PLXNA2: variants seen among roughly 807,000 people sequenced by gnomAD.
PLXNA2 encodes the protein plexin-A2.
PLXNA2 carries 91 observed loss-of-function variants against 193.5 expected under a neutral mutation model. That is an observed-to-expected ratio of 0.47 (90% CI 0.40 to 0.56). PLXNA2 has a LOEUF of 0.56. PLXNA2 is among the 20% of genes least tolerant of loss of function. The probability of loss-of-function intolerance (pLI) is 0.00; values close to 1 mark genes in which losing one functional copy is unlikely to be tolerated. For missense variants in PLXNA2, 1,995 were observed against 2,503.2 expected, an observed-to-expected ratio of 0.80 and a Z score of 4.33; for synonymous variants, 997 against 1,027.3, an observed-to-expected ratio of 0.97 and a Z score of 0.56.
At chr1:208,243,146 G>C (rs1244512985) in intron 1 of PLXNA2, among the ~76,000 whole-genome samples, 1 of 152,126 alleles carries the variant, frequency 6.6e-6, no homozygotes, top group Admixed American at 6.5e-5. Flanking sequence ...TCCAGTCCCC[G>C]ATCGGAAGGG....
At chr1:208,152,091 G>C (rs1668784025) in intron 3 of PLXNA2, among the ~76,000 whole-genome samples, 1 of 152,212 alleles carries the variant, frequency 6.6e-6, no homozygotes, top group African/African-American at 2.4e-5. Flanking sequence ...TCTATGGCCT[G>C]AGATTGCCCT....
intron 1 of PLXNA2, among the ~76,000 whole-genome samples, chr1:208,241,919 T>C (rs959254246): frequency 6.6e-6 from 1 of 152,086 alleles, no homozygotes; most frequent in Non-Finnish European, 1.5e-5. Flanking sequence ...CACTGTTTCC[T>C]TGGTTCCCTA....
chr1:208,233,736 T>C (rs891718789), intron 1 of PLXNA2, among the ~76,000 whole-genome samples: 4 of 152,220 alleles, frequency 2.6e-5, no homozygotes, highest in Non-Finnish European at 5.9e-5. Flanking sequence ...TCTCAGCCTC[T>C]TCAAGCTGTG....
intron 4 of PLXNA2, among the ~76,000 whole-genome samples, chr1:208,120,832 G>A (rs1667785190): frequency 6.6e-6 from 1 of 152,158 alleles, no homozygotes; most frequent in Non-Finnish European, 1.5e-5. Context: ...AGGTCAGAGG[G>A]TGCAGAGAGA....
At chr1:208,131,321 T>C (rs1668144477) in intron 4 of PLXNA2, among the ~76,000 whole-genome samples, 1 of 152,180 alleles carries the variant, frequency 6.6e-6, no homozygotes, top group African/African-American at 2.4e-5. Context: ...GGCAGTAACT[T>C]TTCATGACGG....
intron 1 of PLXNA2, among the ~76,000 whole-genome samples, chr1:208,232,017 TGAATTCTTGGGCCCTGTGAATGTTTAGAG>T (rs1340188799): frequency 8.5e-5 from 13 of 152,346 alleles, no homozygotes; most frequent in Middle Eastern, 3.4e-3. Flanking sequence ...GACTCAGAGT[TGAATTCTTGGGCCCTGTGAATGTTTAGAG>T]GAAAAGGCCT....
intron 28 of PLXNA2, chr1:208,032,060 C>T (rs1048061667): frequency 2.5e-5 from 25 of 985,262 alleles, no homozygotes; most frequent in Non-Finnish European, 2.8e-5. Flanking sequence ...CGGGTCCGGG[C>T]TTCCCATGGG....
intron 3 of PLXNA2, among the ~76,000 whole-genome samples, chr1:208,193,536 G>T (rs996390242): frequency 6.6e-6 from 1 of 152,070 alleles, no homozygotes; most frequent in African/African-American, 2.4e-5. Context: ...GATAAAAATG[G>T]GCAATATATG....
chr1:208,202,011 C>G (rs1416790607), intron 3 of PLXNA2, among the ~76,000 whole-genome samples: 1 of 146,844 alleles, frequency 6.8e-6, no homozygotes, highest in Non-Finnish European at 1.5e-5. Context: ...TGGAGTCTCT[C>G]TGTGTCCCCC....
chr1:208,035,425 G>C (rs1664640500), intron 26 of PLXNA2, among the ~76,000 whole-genome samples: 1 of 152,124 alleles, frequency 6.6e-6, no homozygotes, highest in Non-Finnish European at 1.5e-5. Flanking sequence ...TTCATCAAAA[G>C]GGCAGCCACT....
chr1:208,236,778 C>T lies in PLXNA2; in HGVS notation c.-81+6865G>A, dbSNP rs1417508112. 6.6e-6 allele frequency among the ~76,000 whole-genome samples: 1 copy of T among 152,208 alleles called. No homozygotes were observed. Among genetic ancestry groups the T allele is most frequent in the Non-Finnish European group, 1.5e-5 (1 of 68,050 alleles). On this transcript the variant is annotated intron_variant, in intron 1 of 31. Transcript: ENST00000367033. The surrounding 1 kb of genome is among the most constrained non-coding windows in gnomAD (Gnocchi z 4.4). The stretch of plus-strand genomic sequence containing the variant: ...CTCTAGAGACTGGAATCTAGTGGTT[C>T]TTTACATTGTGGAGGGGGCAAGAAC...
At chr1:208,080,627 T>C (rs1666305702) in intron 11 of PLXNA2, among the ~76,000 whole-genome samples, 1 of 152,218 alleles carries the variant, frequency 6.6e-6, no homozygotes, top group Non-Finnish European at 1.5e-5. Context: ...CAGCATCCTT[T>C]AGTCCCAGCT....
intron 4 of PLXNA2, among the ~76,000 whole-genome samples, chr1:208,135,809 T>C (rs990055091): frequency 6.6e-6 from 1 of 152,178 alleles, no homozygotes; most frequent in Admixed American, 6.5e-5. Context: ...TGGGGAATCA[T>C]GTTCTTAATG....
chr1:208,172,808 A>G (rs905680562), intron 3 of PLXNA2, among the ~76,000 whole-genome samples: 1 of 152,204 alleles, frequency 6.6e-6, no homozygotes. Flanking sequence ...TTTGGGCAGC[A>G]TTAGAGAAGA....
intron 3 of PLXNA2, among the ~76,000 whole-genome samples, chr1:208,142,859 A>T (rs1668496846): frequency 6.6e-6 from 1 of 152,236 alleles, no homozygotes; most frequent in Non-Finnish European, 1.5e-5. Flanking sequence ...ACATCTGTTC[A>T]CAGTATCTTA....
intron 3 of PLXNA2, among the ~76,000 whole-genome samples, chr1:208,184,723 G>A (rs957672358): frequency 2.6e-5 from 4 of 152,066 alleles, no homozygotes; most frequent in Non-Finnish European, 5.9e-5. Context: ...TAAGAGATCC[G>A]CTGGTGCAGA....
At chr1:208,065,836 A>G (rs1210825620) in intron 12 of PLXNA2, among the ~76,000 whole-genome samples, 1 of 152,160 alleles carries the variant, frequency 6.6e-6, no homozygotes, top group African/African-American at 2.4e-5. Context: ...ACCCAAAATA[A>G]GTTTGGAAGA....
In PLXNA2 at chr1:208,031,402, G is replaced by T. The variant is rs190660623; in HGVS notation, c.5225+188C>A. On this transcript the variant is annotated intron_variant, in intron 29 of 31. Coordinates refer to ENST00000367033, the MANE Select transcript of PLXNA2 (RefSeq NM_025179.4). ...GCCTCAAGCCAGGCAGGCCCCACTT[G>T]GCACAGGCAGCTGGGGACCGTGTGG... is the stretch of plus-strand genomic sequence containing the variant. 2,125 of 1,365,520 alleles carry T rather than the reference G, an allele frequency of 1.6e-3. 19 individuals are homozygous for T. The African/African-American group carries it at 0.022, about 14-fold the overall frequency. The allele number at this position is 1,365,520 out of a possible 1,614,324, so 84.6% of individuals were successfully genotyped here.
chr1:208,085,033 T>C (rs930920827), intron 9 of PLXNA2, among the ~76,000 whole-genome samples: 3 of 151,860 alleles, frequency 2.0e-5, no homozygotes, highest in Non-Finnish European at 4.4e-5. Flanking sequence ...TGAGCTAGGC[T>C]TTCCAGAAGG....
Sources: gnomAD v4.1 joint callset for allele counts (sites outside exome capture counted in the v4.1 genomes callset) on GRCh38, gnomAD v4.1.1 for gene constraint, Gnocchi (gnomAD v3.1) non-coding constraint, MANE v1.5 for transcripts, NCBI Gene and HGNC (gene_info 2026-07-23, HGNC 2026-07-21) for gene names.